Variants in KATNAL2 observed in about 807,000 individuals in gnomAD.
KATNAL2 encodes the protein katanin p60 ATPase-containing subunit A-like 2.
In KATNAL2, 52 loss-of-function variants were observed where a neutral mutation model predicts 76.3. That is an observed-to-expected ratio of 0.68 (90% CI 0.55 to 0.86). KATNAL2 has a LOEUF of 0.86. Among genes scored for constraint, KATNAL2 ranks in the 40% least tolerant of loss-of-function variants. KATNAL2 has a pLI of 0.00. For synonymous variants in KATNAL2, 243 were observed against 244.2 expected, an observed-to-expected ratio of 1.00 and a Z score of 0.05; for missense variants, 660 against 668.9, an observed-to-expected ratio of 0.99 and a Z score of 0.15.
chr18:47,033,412 C>A, intron 3 of KATNAL2: 2 of 1,614,134 alleles, frequency 1.2e-6, no homozygotes, highest in Non-Finnish European at 1.7e-6. Context: ...TACTCTCAGC[C>A]GCTGCTCTGG....
chr18:46,956,714 A>C (rs2059759079), intron 3 of KATNAL2, among the ~76,000 whole-genome samples: 1 of 152,186 alleles, frequency 6.6e-6, no homozygotes, highest in Non-Finnish European at 1.5e-5. Flanking sequence ...CTCAGTCTTT[A>C]GTGTGCACAT....
intron 13 of KATNAL2, among the ~76,000 whole-genome samples, chr18:47,073,098 G>A (rs1003981164): frequency 6.6e-6 from 1 of 152,072 alleles, no homozygotes; most frequent in Non-Finnish European, 1.5e-5. Flanking sequence ...TGCCAACAGG[G>A]TTGTACTCGC....
At chr18:46,946,618 T>A (rs2059387224) in intron 2 of KATNAL2, 72 bp downstream of exon 2, 3 of 953,004 alleles carry the variant, frequency 3.1e-6, no homozygotes, top group Non-Finnish European at 3.7e-6. Context: ...AAGCCCGCCC[T>A]GTGCTCTAAC....
At chr18:46,934,642 C>T (rs1442631613) in intron 1 of KATNAL2, among the ~76,000 whole-genome samples, 1 of 152,140 alleles carries the variant, frequency 6.6e-6, no homozygotes, top group East Asian at 1.9e-4. Context: ...TGCAGAAGCT[C>T]TTTAGTTTAA....
chr18:46,951,552 A>T (rs2059556795), intron 3 of KATNAL2, among the ~76,000 whole-genome samples: 1 of 151,474 alleles, frequency 6.6e-6, no homozygotes. Flanking sequence ...TGTGTTAGAA[A>T]TCCTGCTTCC....
chr18:47,045,220 T>C (rs2147051218), intron 3 of KATNAL2, among the ~76,000 whole-genome samples: 1 of 152,280 alleles, frequency 6.6e-6, no homozygotes, highest in East Asian at 1.9e-4. Context: ...CAAATATTTA[T>C]ATGCATATTT....
chr18:47,066,847 T>TGTATATATATATA (rs2061812332), intron 10 of KATNAL2, among the ~76,000 whole-genome samples, 174 bp from the exon 11 acceptor site: 2 of 29,596 alleles, frequency 6.8e-5, no homozygotes, highest in Non-Finnish European at 1.3e-4. Flanking sequence ...ATATATGTGT[T>TGTATATATATATA]TATATATATA....
chr18:46,960,427 C>CAAA lies in KATNAL2; in HGVS notation c.51+13516_51+13518dup, dbSNP rs754973661. Among the ~76,000 whole-genome samples the CAAA allele has an allele frequency of 5.2e-3, 734 of 140,482 alleles. 2 individuals carry two copies. The highest frequency in any genetic ancestry group is 6.8e-3 in the Non-Finnish European group (437 of 64,684). The allele number at this position is 140,482 out of a possible 152,430, so 92.2% of individuals were successfully genotyped here. On this transcript the variant is annotated intron_variant, in intron 3 of 17. Transcript: ENST00000683218. ...CCTGGGCAACCCAAGAGCGAAACTT[C>CAAA]AAAAAAAAAAAAAATGAACAGCAGT...
At chr18:47,085,848 A>G (rs1251536556) in intron 15 of KATNAL2, among the ~76,000 whole-genome samples, 1 of 152,148 alleles carries the variant, frequency 6.6e-6, no homozygotes, top group Non-Finnish European at 1.5e-5. Context: ...TATGCTTGTA[A>G]TCCCAGTGTT....
chr18:47,039,063 T>C (rs1373248769), intron 3 of KATNAL2, among the ~76,000 whole-genome samples: 1 of 152,172 alleles, frequency 6.6e-6, no homozygotes, highest in African/African-American at 2.4e-5. Context: ...ACCAGTTCTT[T>C]TACCCCCATC....
intron 10 of KATNAL2, among the ~76,000 whole-genome samples, 168 bp from the exon 11 acceptor site, chr18:47,066,850 TATA>T (rs2061817286): frequency 7.8e-5 from 2 of 25,546 alleles, no homozygotes; most frequent in African/African-American, 3.4e-4. Flanking sequence ...TATGTGTTTA[TATA>T]TATATATATA....
At chr18:47,035,622 AG>A in intron 3 of KATNAL2, 1 of 468,030 alleles carries the variant, frequency 2.1e-6, no homozygotes, top group South Asian at 2.3e-5. Context: ...TGACCCTCTT[AG>A]CTCTTGGGCT....
At position 47,033,186 on chromosome 18, in the gene KATNAL2, A is replaced by G; in HGVS notation, c.52-13271A>G. ...GGATGCTGCTGCTGCTGTCTCTGCCACCGCCGCTGCTGCTCTGGCTGGAGG... is the reference window on the plus strand; with the variant it reads ...GGATGCTGCTGCTGCTGTCTCTGCCGCCGCCGCTGCTGCTCTGGCTGGAGG... On this transcript the variant is annotated intron_variant, in intron 3 of 17. Transcript: ENST00000683218. 2.5e-6 allele frequency: 4 copies of G among 1,613,892 alleles called. No homozygotes were observed. The South Asian group carries it at 4.4e-5, about 18-fold the overall frequency.
intron 13 of KATNAL2, 68 bp from the exon 14 acceptor site, chr18:47,075,209 T>C (rs1386976797): frequency 1.6e-6 from 2 of 1,273,902 alleles, no homozygotes; most frequent in Non-Finnish European, 2.1e-6. Flanking sequence ...TCTAAGTTTT[T>C]ACTCTGGGAG....
rs142359314 is a variant in KATNAL2, at chr18:47,089,963, T to C, written c.1212-9280T>C. On this transcript the variant is annotated intron_variant, in intron 15 of 17. Coordinates refer to ENST00000683218, the MANE Select transcript of KATNAL2 (RefSeq NM_001387690.1). ...GTTATAAGACTGGCTAATTTTTGTATTTTTGGTAGAGCTGGGGTTTCACCA... is the reference window on the plus strand; with the variant it reads ...GTTATAAGACTGGCTAATTTTTGTACTTTTGGTAGAGCTGGGGTTTCACCA... Among the ~76,000 whole-genome samples, 1,171 of 152,334 alleles carry C rather than the reference T, an allele frequency of 7.7e-3. 9 individuals are homozygous for C. Among genetic ancestry groups the C allele is most frequent in the African/African-American group, 0.026 (1,076 of 41,580 alleles).
At chr18:46,957,183 G>C (rs1209877745) in intron 3 of KATNAL2, among the ~76,000 whole-genome samples, 1 of 151,370 alleles carries the variant, frequency 6.6e-6, no homozygotes, top group African/African-American at 2.4e-5. Context: ...TTGACTGTCT[G>C]TGAAGGTGTT....
At chr18:47,063,417 C>A in intron 10 of KATNAL2, 56 bp downstream of exon 10, 1 of 1,308,192 alleles carries the variant, frequency 7.6e-7, no homozygotes, top group Non-Finnish European at 1.1e-6. Context: ...GCTTCTGGAG[C>A]TTTGTGGGCT....
At chr18:47,035,469 G>A in intron 3 of KATNAL2, 1 of 1,108,044 alleles carries the variant, frequency 9.0e-7, no homozygotes, top group South Asian at 1.7e-5. Flanking sequence ...AGACAGCTGA[G>A]CAGGCCCGCT....
At chr18:47,069,653 T>A in intron 13 of KATNAL2, 53 bp downstream of exon 13, 1 of 1,166,012 alleles carries the variant, frequency 8.6e-7, no homozygotes, top group Non-Finnish European at 1.3e-6. Flanking sequence ...AATACAGTGG[T>A]ACAAAATGAT....
Sources: allele counts gnomAD v4.1 joint callset (sites outside exome capture counted in the v4.1 genomes callset), GRCh38; gene constraint gnomAD v4.1.1; transcripts MANE v1.5; gene names NCBI Gene and HGNC (gene_info 2026-07-23, HGNC 2026-07-21).